OSBPL9: variants seen among roughly 807,000 people sequenced by gnomAD.
The protein encoded by OSBPL9 is oxysterol binding protein like 9, also known as oxysterol-binding protein-related protein 9.
In OSBPL9, 40 loss-of-function variants were observed where a neutral mutation model predicts 106.6. That is an observed-to-expected ratio of 0.38 (90% CI 0.29 to 0.49). OSBPL9 has a LOEUF of 0.49. Among genes scored for constraint, OSBPL9 ranks in the 20% least tolerant of loss-of-function variants. OSBPL9 has a pLI of 0.97. For missense variants in OSBPL9, 609 were observed against 887.2 expected (o/e 0.69, Z 3.98); for synonymous variants, 269 against 295.4 (o/e 0.91, Z 0.92).
the OSBPL9 span, among the ~76,000 whole-genome samples, chr1:51,557,799 G>A: frequency 6.6e-6 from 1 of 152,166 alleles, no homozygotes; most frequent in Admixed American, 6.6e-5. Context: ...ACCATATGAT[G>A]TAAGGGATAT....
intron 1 of OSBPL9, among the ~76,000 whole-genome samples, chr1:51,593,776 A>G (rs1645287561): frequency 6.6e-6 from 1 of 152,016 alleles, no homozygotes; most frequent in African/African-American, 2.4e-5. Flanking sequence ...TAAGATTGGG[A>G]ATTTGAGTCT....
intron 1 of OSBPL9, among the ~76,000 whole-genome samples, chr1:51,639,818 T>TG (rs1645666801): frequency 8.0e-6 from 1 of 124,630 alleles, no homozygotes; most frequent in Admixed American, 7.8e-5. Flanking sequence ...TCCTAGTTGT[T>TG]TTTTTTTTTT....
At chr1:51,629,885 A>G (rs940970019) in intron 1 of OSBPL9, among the ~76,000 whole-genome samples, 6 of 151,702 alleles carry the variant, frequency 4.0e-5, no homozygotes, top group Admixed American at 1.3e-4. Flanking sequence ...GGAGTTGGAG[A>G]TTGCAGTGAG....
intron 2 of OSBPL9, among the ~76,000 whole-genome samples, chr1:51,667,405 A>T (rs747824682): frequency 4.6e-5 from 7 of 152,128 alleles, no homozygotes; most frequent in Non-Finnish European, 7.3e-5. Context: ...ACAACCACTA[A>T]TCTACTGTCA....
At chr1:51,616,002 GGTTTT>G (rs1644045271), upstream of OSBPL9, among the ~76,000 whole-genome samples, 1 of 130,404 alleles carries the variant, frequency 7.7e-6, no homozygotes, top group African/African-American at 3.1e-5. Flanking sequence ...TAAATCCTTT[GGTTTT>G]TTTTTTTTTT....
intron 9 of OSBPL9, among the ~76,000 whole-genome samples, chr1:51,758,047 G>A (rs892639736): frequency 2.0e-5 from 3 of 152,128 alleles, no homozygotes; most frequent in Admixed American, 6.6e-5. Flanking sequence ...AGAATGTAAT[G>A]TGACATATTT....
chr1:51,585,705 AG>A (rs1055731542), intron 1 of OSBPL9, among the ~76,000 whole-genome samples: 129 of 150,438 alleles, frequency 8.6e-4, no homozygotes, highest in Middle Eastern at 3.5e-3. Flanking sequence ...GAACCCGGGA[AG>A]TGGAGGTTGC....
At chr1:51,556,413 A>G in the OSBPL9 span, among the ~76,000 whole-genome samples, 1 of 152,068 alleles carries the variant, frequency 6.6e-6, no homozygotes, top group South Asian at 2.1e-4. Context: ...GCTTTGAAAA[A>G]ACCCCTGCCT....
At chr1:51,625,914 A>G (rs945983208) in intron 1 of OSBPL9, among the ~76,000 whole-genome samples, 5 of 152,230 alleles carry the variant, frequency 3.3e-5, no homozygotes, top group Non-Finnish European at 7.3e-5. Context: ...CAAGGAAAGT[A>G]TTTCCAGGTA....
At chr1:51,607,488 A>G (rs1051995720) in intron 2 of OSBPL9, among the ~76,000 whole-genome samples, 1 of 152,100 alleles carries the variant, frequency 6.6e-6, no homozygotes, top group African/African-American at 2.4e-5. Flanking sequence ...TAGTATATCT[A>G]TGTAATCTTC....
chr1:51,653,053 C>T (rs1646615886), intron 2 of OSBPL9, among the ~76,000 whole-genome samples: 1 of 152,014 alleles, frequency 6.6e-6, no homozygotes, highest in South Asian at 2.1e-4. Flanking sequence ...GAGAAAGACA[C>T]CAAATTATAA....
At chr1:51,625,293 TTTC>T (rs1226050641) in intron 1 of OSBPL9, among the ~76,000 whole-genome samples, 3 of 152,196 alleles carry the variant, frequency 2.0e-5, no homozygotes, top group Non-Finnish European at 1.5e-5. Flanking sequence ...ATGATTAGAT[TTTC>T]TTTTTTTAAA....
chr1:51,586,491 T>C (rs1312010371), intron 1 of OSBPL9, among the ~76,000 whole-genome samples: 1 of 152,216 alleles, frequency 6.6e-6, no homozygotes, highest in African/African-American at 2.4e-5. Flanking sequence ...TGTTTCCAAT[T>C]ACAAATAATG....
chr1:51,519,002 G>C, the OSBPL9 span, among the ~76,000 whole-genome samples: 1 of 151,348 alleles, frequency 6.6e-6, no homozygotes, highest in Non-Finnish European at 1.5e-5. Context: ...CGAGGTCGCG[G>C]CGGCCGCAGG....
intron 17 of OSBPL9, among the ~76,000 whole-genome samples, chr1:51,783,349 AT>A (rs758238195): frequency 0.074 from 8,671 of 117,746 alleles, 315 homozygotes; most frequent in Middle Eastern, 0.16. Context: ...TAATTTTCTT[AT>A]TTTTTTTTTT....
At chr1:51,723,502 T>G (rs1662522867) in intron 4 of OSBPL9, among the ~76,000 whole-genome samples, 1 of 152,158 alleles carries the variant, frequency 6.6e-6, no homozygotes, top group South Asian at 2.1e-4. Context: ...CTCCCTCTTT[T>G]CTTCCCTGTC....
chr1:51,565,043 C>A, the OSBPL9 span, among the ~76,000 whole-genome samples: 1 of 152,178 alleles, frequency 6.6e-6, no homozygotes, highest in African/African-American at 2.4e-5. Context: ...ACACCTCCCT[C>A]CACCAAGGAT....
chr1:51,747,161 T>G (rs1042876216), intron 6 of OSBPL9, among the ~76,000 whole-genome samples: 1 of 152,198 alleles, frequency 6.6e-6, no homozygotes, highest in African/African-American at 2.4e-5. Flanking sequence ...GAGACAGGGT[T>G]TCACCATGTT....
chr1:51,786,246 C>CA, intron 21 of OSBPL9: 2 of 448,578 alleles, frequency 4.5e-6, no homozygotes, highest in Non-Finnish European at 7.9e-6. Context: ...TTTCCATACA[C>CA]ACACAGTTGA....
Sources: allele counts gnomAD v4.1 joint callset (sites outside exome capture counted in the v4.1 genomes callset), GRCh38; gene constraint gnomAD v4.1.1; transcripts MANE v1.5; gene names NCBI Gene and HGNC (gene_info 2026-07-23, HGNC 2026-07-21).